The following GRID2 variants were observed in gnomAD, a reference collection of about 807,000 sequenced individuals.
The protein encoded by GRID2 is glutamate ionotropic receptor delta type subunit 2.
GRID2 carries 33 observed loss-of-function variants against 114.8 expected under a neutral mutation model. The observed-to-expected ratio is 0.29, with a 90% CI of 0.22 to 0.38. The LOEUF is 0.38. GRID2 is among the 10% of genes least tolerant of loss of function. The pLI, the probability that GRID2 is intolerant of heterozygous loss-of-function variation, is 1.00. For missense variants in GRID2, 1,184 were observed against 1,257.7 expected (o/e 0.94, Z 0.89); for synonymous variants, 505 against 449.9 (o/e 1.12, Z -1.55).
intron 2 of GRID2, among the ~76,000 whole-genome samples, chr4:92,977,129 G>A (rs1753928868): frequency 6.6e-6 from 1 of 152,122 alleles, no homozygotes; most frequent in African/African-American, 2.4e-5. Flanking sequence ...AAGCTAAAAT[G>A]TAAGCAAATA....
intron 2 of GRID2, among the ~76,000 whole-genome samples, chr4:92,812,744 T>C (rs1740718315): frequency 6.6e-6 from 1 of 152,120 alleles, no homozygotes. Context: ...TGCAACTTGA[T>C]ACAGAAAGTG....
intron 2 of GRID2, among the ~76,000 whole-genome samples, chr4:92,888,865 TGGA>T (rs1330788229): frequency 3.3e-5 from 5 of 151,742 alleles, no homozygotes. Context: ...TTAGATCACT[TGGA>T]AAGAAAAAAA....
intron 1 of GRID2, among the ~76,000 whole-genome samples, chr4:92,524,653 G>A (rs537527387): frequency 1.8e-4 from 27 of 151,806 alleles, no homozygotes; most frequent in African/African-American, 5.1e-4. Context: ...ACTTAATTCC[G>A]TCTACTTTCT....
At chr4:92,880,408 A>AT (rs754370517) in intron 2 of GRID2, among the ~76,000 whole-genome samples, 1 of 152,062 alleles carries the variant, frequency 6.6e-6, no homozygotes, top group African/African-American at 2.4e-5. Context: ...CAGTGAACAA[A>AT]TTTTTTTCCA....
chr4:92,558,904 C>T (rs75353493), intron 1 of GRID2, among the ~76,000 whole-genome samples: 2,839 of 152,174 alleles, frequency 0.019, 57 homozygotes, highest in African/African-American at 0.051. Context: ...CAACAAAAGA[C>T]GAGACAATTA....
At chr4:92,844,936 A>G (rs1743196374) in intron 2 of GRID2, among the ~76,000 whole-genome samples, 1 of 152,076 alleles carries the variant, frequency 6.6e-6, no homozygotes, top group South Asian at 2.1e-4. Context: ...GCATTTGTCT[A>G]TTTACTTGTA....
At chr4:93,029,351 TTCACTAA>T (rs1206646464) in intron 2 of GRID2, among the ~76,000 whole-genome samples, 1 of 152,110 alleles carries the variant, frequency 6.6e-6, no homozygotes, top group Non-Finnish European at 1.5e-5. Flanking sequence ...ATACAGTAGA[TTCACTAA>T]TATTTGTTAA....
chr4:93,299,603 T>C (rs1369610459), intron 8 of GRID2, among the ~76,000 whole-genome samples: 1 of 150,834 alleles, frequency 6.6e-6, no homozygotes, highest in East Asian at 2.0e-4. Context: ...TAATGTTAAA[T>C]GATGAGTTGA....
chr4:93,514,882 T>C lies in GRID2; in HGVS notation c.1998-334T>C, dbSNP rs575243739. Among the ~76,000 whole-genome samples, 17 of 152,342 alleles carry C rather than the reference T, an allele frequency of 1.1e-4. No homozygotes were observed. In the South Asian group the frequency reaches 3.3e-3, roughly 30 times the overall value. ...TTTTTTAAATTACTAAATTAGCATG[T>C]GATTATCTAGCAGTCTAATTTAACT... On this transcript the variant is annotated intron_variant, in intron 12 of 15. Coordinates refer to ENST00000282020, the MANE Select transcript of GRID2 (RefSeq NM_001510.4).
intron 6 of GRID2, among the ~76,000 whole-genome samples, chr4:93,220,535 T>G (rs1036286522): frequency 1.2e-4 from 18 of 152,202 alleles, no homozygotes; most frequent in Admixed American, 1.0e-3. Context: ...TACTTCAAAT[T>G]ATTTGCCAAT....
At chr4:93,780,844 G>A (rs1734465107) in intron 1 of GRID2, among the ~76,000 whole-genome samples, 1 of 152,108 alleles carries the variant, frequency 6.6e-6, no homozygotes, top group African/African-American at 2.4e-5. Context: ...AAAGTAAACT[G>A]GTAGCAATTC....
At chr4:92,477,038 CATGTGTGTGTGTGTGTGTGTGTGTGTGT>C (rs1291535958) in intron 1 of GRID2, among the ~76,000 whole-genome samples, 6 of 104,812 alleles carry the variant, frequency 5.7e-5, no homozygotes, top group African/African-American at 2.0e-4. Context: ...GATTTAACTT[CATGTGTGTGTGTGTGTGTGTGTGTGTGT>C]GTGTGTGTGT....
At chr4:92,750,144 A>G (rs1244462187) in intron 2 of GRID2, among the ~76,000 whole-genome samples, 1 of 152,152 alleles carries the variant, frequency 6.6e-6, no homozygotes, top group East Asian at 1.9e-4. Flanking sequence ...TACAGATATG[A>G]GCCACCGCAC....
At chr4:92,399,685 A>ACG (rs1730692179) in intron 1 of GRID2, among the ~76,000 whole-genome samples, 1 of 149,066 alleles carries the variant, frequency 6.7e-6, no homozygotes, top group African/African-American at 2.5e-5. Flanking sequence ...ATATATATAT[A>ACG]CATACATGTG....
chr4:92,349,554 T>A (rs1329557305), intron 1 of GRID2, among the ~76,000 whole-genome samples: 2 of 151,548 alleles, frequency 1.3e-5, no homozygotes, highest in African/African-American at 4.8e-5. Context: ...TAAAACATAT[T>A]TTATTTTTAA....
At chr4:92,645,880 T>G (rs758306298) in intron 2 of GRID2, among the ~76,000 whole-genome samples, 19 of 151,888 alleles carry the variant, frequency 1.3e-4, no homozygotes, top group Non-Finnish European at 2.2e-4. Flanking sequence ...ATTGATGGGA[T>G]TTTTTATTTT....
chr4:93,381,661 C>T (rs1046458606), intron 8 of GRID2, among the ~76,000 whole-genome samples: 1 of 152,032 alleles, frequency 6.6e-6, no homozygotes, highest in Non-Finnish European at 1.5e-5. Flanking sequence ...ACACAAAACT[C>T]TCTCTTTTAC....
intron 2 of GRID2, among the ~76,000 whole-genome samples, chr4:92,853,497 G>T (rs1284681728): frequency 6.6e-6 from 1 of 151,726 alleles, no homozygotes; most frequent in Non-Finnish European, 1.5e-5. Context: ...TTTCTGTCAT[G>T]CTTATTTGAA....
intron 2 of GRID2, among the ~76,000 whole-genome samples, chr4:92,791,584 A>G: frequency 6.6e-6 from 1 of 151,900 alleles, no homozygotes; most frequent in East Asian, 1.9e-4. Context: ...AGAAAACAGA[A>G]TAATCAGTTT....
Sources: allele counts gnomAD v4.1 joint callset (sites outside exome capture counted in the v4.1 genomes callset), GRCh38; gene constraint gnomAD v4.1.1; transcripts MANE v1.5; gene names NCBI Gene and HGNC (gene_info 2026-07-23, HGNC 2026-07-21).